Variants in STIL observed in about 807,000 individuals in gnomAD.
The protein encoded by STIL is SCL-interrupting locus protein.
STIL carries 55 observed loss-of-function variants against 110.1 expected under a neutral mutation model. That is an observed-to-expected ratio of 0.50 (90% confidence interval 0.40 to 0.63). The LOEUF (loss-of-function observed/expected upper bound fraction) is 0.63. Ranked by LOEUF, STIL falls within the 20% of genes least tolerant of loss-of-function variation. The pLI is 0.00. For synonymous variants in STIL, 481 were observed against 530.0 expected (o/e 0.91, Z 1.27); for missense variants, 1,358 against 1,530.0 (o/e 0.89, Z 1.87).
intron 3 of STIL, among the ~76,000 whole-genome samples, chr1:47,304,233 G>A (rs1645888704): frequency 6.6e-6 from 1 of 150,824 alleles, no homozygotes; most frequent in Non-Finnish European, 1.5e-5. Context: ...TGCCCAGGCT[G>A]GTTTCAAACT....
In STIL at chr1:47,280,254, A is replaced by G. The variant is rs1480957886; in HGVS notation, c.2204T>C (p.Leu735Pro). 6.2e-7 allele frequency: 1 copy of G among 1,614,246 alleles called. No individual in the cohort carries two copies. Residue 735 changes from leucine to proline, a missense_variant, in exon 12 of 17, where the codon CTA (leucine) becomes CCA (proline). Physicochemically the swap from Leu to Pro is moderately conservative, Grantham distance 98. Transcript: ENST00000371877. ...CACCAAGCAAACCTGTGCCTGAAGT[A>G]GTCTTAGCTGTCTGTCTTGTTCTGT... Reference protein sequence around the residue: ...FLTEQDRQLRLLQAQIQRLLE... With the variant: ...FLTEQDRQLRPLQAQIQRLLE...
At chr1:47,256,641 C>T (rs1644337936) in intron 16 of STIL, among the ~76,000 whole-genome samples, 1 of 123,902 alleles carries the variant, frequency 8.1e-6, no homozygotes, top group African/African-American at 3.4e-5. Flanking sequence ...AAAAAAAAAT[C>T]TTGCTGAAAA....
At chr1:47,289,740 T>A (rs897160495) in intron 8 of STIL, among the ~76,000 whole-genome samples, 155 bp from the exon 9 acceptor site, 1 of 151,862 alleles carries the variant, frequency 6.6e-6, no homozygotes, top group Non-Finnish European at 1.5e-5. Flanking sequence ...AGGCAAAAGG[T>A]GGGAGGATCG....
At chr1:47,314,520 C>T (rs1299489241), upstream of STIL, among the ~76,000 whole-genome samples, 1 of 152,138 alleles carries the variant, frequency 6.6e-6, no homozygotes. Context: ...CATTGGTCGG[C>T]GACTGGAAGC....
rs908567677 is a variant in STIL at position 47,282,461 on chromosome 1, T to G, written c.1134-2A>C. On this transcript the variant is annotated splice_acceptor_variant, in intron 10 of 16. Coordinates refer to ENST00000371877, the MANE Select transcript of STIL (RefSeq NM_001048166.1). LOFTEE classifies it high-confidence loss of function. ...CCAGAAGATAACTTTTGGGAAGACC[T>G]AAAGAATAGAAGGGGAGACCAGAAA... 3 of 1,583,504 alleles carry G rather than the reference T, an allele frequency of 1.9e-6. No individual in the cohort carries two copies. The highest frequency in any genetic ancestry group is 2.6e-6 in the Non-Finnish European group (3 of 1,153,750).
At chr1:47,285,169 G>A (rs1645261959) in intron 10 of STIL, among the ~76,000 whole-genome samples, 1 of 152,116 alleles carries the variant, frequency 6.6e-6, no homozygotes, top group African/African-American at 2.4e-5. Context: ...CTATAGGCAT[G>A]TGCCACCACA....
At chr1:47,274,730 A>C (rs115723241) in intron 12 of STIL, among the ~76,000 whole-genome samples, 124 of 152,158 alleles carry the variant, frequency 8.1e-4, no homozygotes, top group African/African-American at 2.7e-3. Flanking sequence ...TAAAGTTGGA[A>C]TATTGAAATA....
chr1:47,276,979 GC>G (rs369882859), intron 12 of STIL, among the ~76,000 whole-genome samples: 3 of 152,002 alleles, frequency 2.0e-5, no homozygotes, highest in African/African-American at 7.2e-5. Context: ...AATAGATATA[GC>G]CTTTCCAGCA....
At position 47,251,826 on chromosome 1, in the gene STIL, C is replaced by T. The variant is rs1307005178; in HGVS notation, c.3177G>A (p.Val1059=). The T allele has an allele frequency of 6.2e-7, 1 of 1,608,802 alleles. No homozygotes were observed. Among genetic ancestry groups the T allele is most frequent in the Non-Finnish European group, 8.5e-7 (1 of 1,177,408 alleles). The change falls in exon 17 of 17, where the codon GTG becomes GTA. Residue 1059 remains valine, a synonymous_variant. Coordinates refer to ENST00000371877, the MANE Select transcript of STIL (RefSeq NM_001048166.1). The part of the protein sequence containing the change: ...VGMSGLSPNG[V]DLSMEANAIA... ...TAGCATTTGCCTCCATGCTCAAATC[C>T]ACACCATTGGGGCTTAAGCCGCTCA...
intron 16 of STIL, among the ~76,000 whole-genome samples, chr1:47,255,192 C>T (rs1644295099): frequency 6.6e-6 from 1 of 151,854 alleles, no homozygotes; most frequent in Non-Finnish European, 1.5e-5. Context: ...AGACGAAAAG[C>T]AAAAAGGAAC....
In STIL at chr1:47,280,654, C is replaced by G. The variant is rs1014673459; in HGVS notation, c.1804G>C (p.Val602Leu). 3 of 1,614,142 alleles carry G rather than the reference C, an allele frequency of 1.9e-6. No individual in the cohort carries two copies. Among genetic ancestry groups the G allele is most frequent in the Non-Finnish European group, 2.5e-6 (3 of 1,180,036 alleles). The stretch of plus-strand genomic sequence containing the variant: ...CTATGATGCTGACAACACCTGCAAA[C>G]GTTTGTGGAACAGTAAGATGGCAGT... Reference protein sequence around the residue: ...PPLPSYCSTNVCRCCQHHSHI... With the variant: ...PPLPSYCSTNLCRCCQHHSHI... Residue 602 changes from valine (V) to leucine (L), a missense_variant, in exon 12 of 17, where the codon GTT (valine) becomes CTT (leucine). Val to Leu is a conservative substitution (Grantham distance 32). Transcript: ENST00000371877.
chr1:47,260,608 C>G, intron 15 of STIL, 69 bp from the exon 16 acceptor site: 3 of 1,518,120 alleles, frequency 2.0e-6, no homozygotes, highest in Non-Finnish European at 2.7e-6. Context: ...TGTGGTGGTT[C>G]ACACCTATAA....
chr1:47,283,482 G>A (rs1411154328), intron 10 of STIL: 2 of 152,234 alleles, frequency 1.3e-5, no homozygotes, highest in Non-Finnish European at 2.9e-5. Context: ...GCATGGACAG[G>A]AAACAAGAGA....
chr1:47,265,783 C>CG (rs1644634597), intron 14 of STIL, among the ~76,000 whole-genome samples: 1 of 65,606 alleles, frequency 1.5e-5, no homozygotes, highest in African/African-American at 6.3e-5. Context: ...AAGACTGTCT[C>CG]AAAAAAAAAA....
At chr1:47,295,435 C>T (rs910284679) in intron 7 of STIL, among the ~76,000 whole-genome samples, 3 of 151,800 alleles carry the variant, frequency 2.0e-5, no homozygotes, top group African/African-American at 7.3e-5. Context: ...CAAAAATTAG[C>T]CAGGCATGGT....
chr1:47,257,547 C>A (rs879737745), intron 16 of STIL, among the ~76,000 whole-genome samples: 3 of 152,092 alleles, frequency 2.0e-5, no homozygotes, highest in African/African-American at 2.4e-5. Context: ...GATATTGCAT[C>A]AATAATAAAA....
At chr1:47,259,137 C>A (rs1460476941) in intron 16 of STIL, among the ~76,000 whole-genome samples, 1 of 151,196 alleles carries the variant, frequency 6.6e-6, no homozygotes, top group Non-Finnish European at 1.5e-5. Flanking sequence ...CAGGCGCCCA[C>A]CACCACGCTC....
At chr1:47,256,264 T>C (rs1267099174) in intron 16 of STIL, among the ~76,000 whole-genome samples, 1 of 152,176 alleles carries the variant, frequency 6.6e-6, no homozygotes, top group East Asian at 1.9e-4. Flanking sequence ...GGAATGTCGT[T>C]CATTCAGCAA....
intron 9 of STIL, among the ~76,000 whole-genome samples, 156 bp from the exon 10 acceptor site, chr1:47,287,816 A>C (rs1004583378): frequency 2.0e-5 from 3 of 152,192 alleles, no homozygotes; most frequent in African/African-American, 7.2e-5. Context: ...TCCCTGCTAC[A>C]TAAGTGAAAA....
Sources: allele counts gnomAD v4.1 joint callset (sites outside exome capture counted in the v4.1 genomes callset), GRCh38; gene constraint gnomAD v4.1.1; transcripts MANE v1.5; gene names NCBI Gene and HGNC (gene_info 2026-07-23, HGNC 2026-07-21).